GAS2L2: variants seen among roughly 807,000 people sequenced by gnomAD.
The protein encoded by GAS2L2 is growth arrest specific 2 like 2.
GAS2L2 carries 21 observed loss-of-function variants against 35.2 expected under a neutral mutation model. That is an observed-to-expected ratio of 0.60 (90% CI 0.42 to 0.86). The LOEUF is 0.86. Ranked by LOEUF, GAS2L2 falls within the 40% of genes least tolerant of loss-of-function variation. GAS2L2 has a pLI of 0.00. For synonymous variants in GAS2L2, 490 were observed against 473.2 expected, an observed-to-expected ratio of 1.04 and a Z score of -0.46; for missense variants, 1,169 against 1,144.4, an observed-to-expected ratio of 1.02 and a Z score of -0.31.
At position 35,745,761 on chromosome 17, in the gene GAS2L2, C is replaced by T. The variant is rs137899954; in HGVS notation, c.1736G>A (p.Gly579Asp). The T allele has an allele frequency of 7.4e-5, 119 of 1,613,786 alleles. No homozygotes were observed. In the East Asian group the frequency reaches 2.5e-3, roughly 34 times the overall value. Reference protein sequence around the residue: ...MAEARESWDLGLQEQEGRYTP... With the variant: ...MAEARESWDLDLQEQEGRYTP... The stretch of plus-strand genomic sequence containing the variant: ...GTACCGCCCCTCCTGCTCCTGTAGG[C>T]CCAGGTCCCAGGACTCTCTGGCCTC... Residue 579 changes from glycine to aspartate, a missense_variant, in exon 6 of 6, where the codon GGC (glycine) becomes GAC (aspartate). This residue lies in a region of GAS2L2 where 1,035 missense variants were observed against 976.5 expected (regional missense o/e 1.06). Transcript: ENST00000604641.
At chr17:35,752,365 T>C (rs1455114102) in intron 1 of GAS2L2, 101 bp downstream of exon 1, 2 of 1,210,518 alleles carry the variant, frequency 1.7e-6, no homozygotes, top group Non-Finnish European at 2.3e-6. Context: ...AGAATGAGGA[T>C]CCAGGCTCCT....
rs1024112542 is a variant in GAS2L2, at chr17:35,745,614, C to T, written c.1883G>A (p.Gly628Glu). ...GTAGACCCCACTGCGAGGGATGACC[C>T]CAGACCTTGTGCCCTGCGGACAGGC... ...RSACPQGTRS[G>E]VIPRSGVYIP... Residue 628 changes from glycine to glutamate, a missense_variant, in exon 6 of 6, where the codon GGG becomes GAG. Transcript: ENST00000604641. 6.2e-7 allele frequency: 1 copy of T among 1,613,922 alleles called. No homozygotes were observed. Among genetic ancestry groups the T allele is most frequent in the Non-Finnish European group, 8.5e-7 (1 of 1,180,028 alleles).
rs782058697 is a variant in GAS2L2, at chr17:35,745,000, C to T, written c.2497G>A (p.Ala833Thr). Reference sequence around the variant, plus strand: ...TCCTCCTCCTCCTCACCTACTGAAGCTCCATCCACCCGGGATGCCTCCCCT... The same window carrying T: ...TCCTCCTCCTCCTCACCTACTGAAGTTCCATCCACCCGGGATGCCTCCCCT... ...KGGEASRVDG[A>T]SVGEEEEEGK... The change falls in exon 6 of 6, where the codon GCT (alanine) becomes ACT (threonine). Residue 833 changes from alanine (A) to threonine (T), a missense_variant. Physicochemically the swap from Ala to Thr is moderately conservative, Grantham distance 58. Around this residue, in one of 3 missense-constraint regions of GAS2L2, gnomAD observed 1,035 missense variants for 976.5 expected, o/e 1.06. Transcript: ENST00000604641. 6.2e-7 allele frequency: 1 copy of T among 1,614,156 alleles called. No homozygotes were observed. Among genetic ancestry groups the T allele is most frequent in the Non-Finnish European group, 8.5e-7 (1 of 1,180,042 alleles).
chr17:35,749,101 T>C lies in GAS2L2; in HGVS notation c.735+9A>G. On this transcript the variant is annotated intron_variant, in intron 3 of 5. Coordinates refer to ENST00000604641, the MANE Select transcript of GAS2L2 (RefSeq NM_139285.4). ...TCTGGGGGTCCCTTGACCCCCAGCC[T>C]GGACTTACCCGGATGAAGATGAGGG... is the stretch of plus-strand genomic sequence containing the variant. 1 of 1,596,184 alleles carries C rather than the reference T, an allele frequency of 6.3e-7. No individual in the cohort carries two copies. The highest frequency in any genetic ancestry group is 8.6e-7 in the Non-Finnish European group (1 of 1,164,102).
rs782797535 is a variant in GAS2L2, at chr17:35,745,677, T to C, written c.1820A>G (p.Glu607Gly). Residue 607 changes from glutamate (E) to glycine (G), a missense_variant, in exon 6 of 6, where the codon GAG (glutamate) becomes GGG (glycine). By Grantham distance (98) the Glu-to-Gly change is moderately conservative. Transcript: ENST00000604641. The stretch of plus-strand genomic sequence containing the variant: ...TAGCAGCTTCATGTTGCCCAAAATC[T>C]CCTCTTCAAGGCTACAGTAGATGGC... Reference protein sequence around the residue: ...EQAIYCSLEEEILGNMKLLEV... With the variant: ...EQAIYCSLEEGILGNMKLLEV... 3 of 1,613,938 alleles carry C rather than the reference T, an allele frequency of 1.9e-6. No homozygotes were observed. The highest frequency in any genetic ancestry group is 3.3e-5 in the Admixed American group (2 of 60,022).
At chr17:35,752,327 G>T in intron 1 of GAS2L2, 139 bp downstream of exon 1, 1 of 748,090 alleles carries the variant, frequency 1.3e-6, no homozygotes, top group Non-Finnish European at 2.2e-6. Context: ...ACTGAGGCAT[G>T]AAAAAAGAGC....
In GAS2L2 at chr17:35,744,592, G is replaced by C. The variant is rs2085650890; in HGVS notation, c.*262C>G. 1 of 445,106 alleles carries C rather than the reference G, an allele frequency of 2.2e-6. No homozygotes were observed. Among genetic ancestry groups the C allele is most frequent in the Admixed American group, 3.5e-5 (1 of 28,376 alleles). 27.6% of individuals were successfully genotyped at this position (445,106 alleles called of 1,614,324 possible). On this transcript the variant is annotated 3_prime_UTR_variant, in exon 6 of 6. Transcript: ENST00000604641. ...CATGGCCAGGGGCCAGAGGCCAGGAGTGTGGTGAGCCGTTCTAGGGGAGAG... is the reference window on the plus strand; with the variant it reads ...CATGGCCAGGGGCCAGAGGCCAGGACTGTGGTGAGCCGTTCTAGGGGAGAG...
At position 35,745,099 on chromosome 17, in the gene GAS2L2, C is replaced by A. The variant is rs1295612513; in HGVS notation, c.2398G>T (p.Ala800Ser). ...KQPSRIPRPL[A>S]YVFLGPARQP... is the part of the protein sequence containing the mutation. Reference sequence around the variant, plus strand: ...CTGGCTGGACCCAGGAAGACATAGGCCAGTGGCCTGGGGATTCGTGAAGGC... The same window carrying A: ...CTGGCTGGACCCAGGAAGACATAGGACAGTGGCCTGGGGATTCGTGAAGGC... Residue 800 changes from alanine to serine, a missense_variant, in exon 6 of 6, where the codon GCC (alanine) becomes TCC (serine). By Grantham distance (99) the Ala-to-Ser change is moderately conservative (BLOSUM62 1). Transcript: ENST00000604641. 1 of 1,613,462 alleles carries A rather than the reference C, an allele frequency of 6.2e-7. No individual in the cohort carries two copies. The highest frequency in any genetic ancestry group is 1.3e-5 in the African/African-American group (1 of 74,944).
At chr17:35,747,308 T>A (rs1167638453) in intron 4 of GAS2L2, 40 bp from the exon 5 acceptor site, 1 of 1,555,002 alleles carries the variant, frequency 6.4e-7, no homozygotes, top group African/African-American at 1.4e-5. Flanking sequence ...GAGAGAAGGG[T>A]TCAGTTCCTG....
intron 1 of GAS2L2, among the ~76,000 whole-genome samples, chr17:35,750,692 C>T (rs1249170654): frequency 6.6e-6 from 1 of 152,120 alleles, no homozygotes; most frequent in Admixed American, 6.5e-5. Flanking sequence ...GAGCAGGAAG[C>T]GGTTTGTTCC....
intron 2 of GAS2L2, 61 bp from the exon 3 acceptor site, chr17:35,749,278 C>T: frequency 9.4e-7 from 1 of 1,059,528 alleles, no homozygotes; most frequent in Non-Finnish European, 1.4e-6. Context: ...AATGGGGGGC[C>T]TACCTGCCCC....
intron 1 of GAS2L2, 123 bp from the exon 2 acceptor site, chr17:35,750,441 A>C: frequency 7.5e-7 from 1 of 1,329,912 alleles, no homozygotes; most frequent in Non-Finnish European, 1.1e-6. Context: ...GGCAGCAGAC[A>C]TGGGGAGTGG....
At chr17:35,751,512 A>G (rs1343235797) in intron 1 of GAS2L2, among the ~76,000 whole-genome samples, 4 of 152,068 alleles carry the variant, frequency 2.6e-5, no homozygotes, top group African/African-American at 9.7e-5. Flanking sequence ...TACTAAAAAT[A>G]CAAAAATTAG....
chr17:35,745,466 C>G lies in GAS2L2; in HGVS notation c.2031G>C (p.Pro677=), dbSNP rs782602530. 1 of 1,589,862 alleles carries G rather than the reference C, an allele frequency of 6.3e-7. No individual in the cohort carries two copies. The highest frequency in any genetic ancestry group is 1.3e-5 in the African/African-American group (1 of 74,270). The change falls in exon 6 of 6, where the codon CCG becomes CCC. Residue 677 remains proline (P), a synonymous_variant. Transcript: ENST00000604641. ...TAACAGCTGGCTTAGGGGAGCCAGT[C>G]GGGGCTGCCTTCCAGGCTTCCAGGT... The part of the protein sequence containing the change: ...KVDLEAWKAA[P]TGSPKPAVTP...
rs375190657 is a variant in GAS2L2 at position 35,745,718 on chromosome 17, G to A, written c.1779C>T (p.Gly593=). ...QEGRYTPLPL[G]GNKEQAIYCS... ...AGTAGATGGCTTGCTCCTTGTTCCC[G>A]CCCAAGGGCAGAGGTGTGTACCGCC... is the stretch of plus-strand genomic sequence containing the variant. Residue 593 remains glycine, a synonymous_variant, in exon 6 of 6, where the codon GGC becomes GGT. Coordinates refer to ENST00000604641, the MANE Select transcript of GAS2L2 (RefSeq NM_139285.4). The A allele has an allele frequency of 6.4e-5, 103 of 1,613,746 alleles. No homozygotes were observed. Among genetic ancestry groups the A allele is most frequent in the South Asian group, 8.8e-5 (8 of 91,084 alleles).
chr17:35,746,162 G>A lies in GAS2L2; in HGVS notation c.1335C>T (p.Ala445=). 2 of 1,497,444 alleles carry A rather than the reference G, an allele frequency of 1.3e-6. No individual in the cohort carries two copies. The highest frequency in any genetic ancestry group is 1.8e-6 in the Non-Finnish European group (2 of 1,122,698). The allele number at this position is 1,497,444 out of a possible 1,614,324, so 92.8% of individuals were successfully genotyped here. A position where few individuals can be genotyped will look rare whatever the true frequency, so the allele number is the denominator to read the frequency against. The change falls in exon 6 of 6, where the codon GCC becomes GCT. Residue 445 remains alanine (A), a synonymous_variant. Coordinates refer to ENST00000604641, the MANE Select transcript of GAS2L2 (RefSeq NM_139285.4). ...CTCTTGCTGATATCCCTTTGGTGGT[G>A]GCCTCAATGGCTCGGAGTCTTTGTG... ...PTPQRLRAIE[A]TTKGISARGP...
chr17:35,749,161 C>G lies in GAS2L2; in HGVS notation c.684G>C (p.Val228=), dbSNP rs2085687943. ...TCPVQFSMVK[V]SEGKYRVGDS... ...CACCCACACGGTACTTCCCCTCAGA[C>G]ACTTTGACCATGGAGAACTGCACTG... Residue 228 remains valine, a synonymous_variant, in exon 3 of 6, where the codon GTG becomes GTC. Transcript: ENST00000604641. 6.2e-7 allele frequency: 1 copy of G among 1,614,080 alleles called. No homozygotes were observed. The highest frequency in any genetic ancestry group is 1.3e-5 in the African/African-American group (1 of 75,030).
chr17:35,751,848 C>CTCTTTT (rs2085705431), intron 1 of GAS2L2, among the ~76,000 whole-genome samples: 1 of 99,984 alleles, frequency 1.0e-5, no homozygotes, highest in African/African-American at 4.9e-5. Context: ...CTCTCTCTCT[C>CTCTTTT]TTTTTTTTTT....
rs202245239 is a variant in GAS2L2 at position 35,746,034 on chromosome 17, G to C, written c.1463C>G (p.Pro488Arg). 1.2e-4 allele frequency: 189 copies of C among 1,548,230 alleles called. No individual in the cohort carries two copies. Among genetic ancestry groups the C allele is most frequent in the Non-Finnish European group, 1.6e-4 (189 of 1,145,740 alleles). ...AKGAFFQFRE[P>R]ESVRSPTPVQ... ...AGGGGTTGGAGAACGGACAGACTCT[G>C]GCTCCCTGAACTGGAAGAACGCACC... The change falls in exon 6 of 6, where the codon CCA (proline) becomes CGA (arginine). Residue 488 changes from proline to arginine, a missense_variant. Coordinates refer to ENST00000604641, the MANE Select transcript of GAS2L2 (RefSeq NM_139285.4).
Sources: gnomAD v4.1 joint callset for allele counts (sites outside exome capture counted in the v4.1 genomes callset) on GRCh38, gnomAD v4.1.1 for gene constraint, gnomAD v4.1.1 regional missense constraint, MANE v1.5 for transcripts, NCBI Gene and HGNC (gene_info 2026-07-23, HGNC 2026-07-21) for gene names.